Variants in NAALADL2 observed in about 807,000 individuals in gnomAD.
The protein encoded by NAALADL2 is N-acetylated alpha-linked acidic dipeptidase like 2, also known as inactive N-acetylated-alpha-linked acidic dipeptidase-like protein 2.
A neutral mutation model predicts 87.2 loss-of-function variants in NAALADL2; 76 were observed. The observed-to-expected ratio is 0.87, with a 90% CI of 0.72 to 1.05. The LOEUF is 1.05. Among genes scored for constraint, NAALADL2 ranks in the 50% least tolerant of loss-of-function variants. The pLI, the probability that NAALADL2 is intolerant of heterozygous loss-of-function variation, is 0.00. For missense variants in NAALADL2, 1,089 were observed against 945.8 expected (o/e 1.15, Z -1.99); for synonymous variants, 354 against 331.0 (o/e 1.07, Z -0.75).
intron 2 of NAALADL2, among the ~76,000 whole-genome samples, chr3:175,183,627 C>T (rs967906867): frequency 1.3e-5 from 2 of 151,844 alleles, no homozygotes; most frequent in African/African-American, 4.8e-5. Flanking sequence ...CATGGTGTAT[C>T]ACATTTATAG....
At chr3:175,671,842 A>G (rs553768177) in intron 11 of NAALADL2, among the ~76,000 whole-genome samples, 3 of 152,156 alleles carry the variant, frequency 2.0e-5, no homozygotes, top group Admixed American at 2.0e-4. Flanking sequence ...TTTTTCTTAC[A>G]TTTTCCAGAA....
chr3:175,314,373 G>A (rs962200489), intron 4 of NAALADL2, among the ~76,000 whole-genome samples: 5 of 150,636 alleles, frequency 3.3e-5, no homozygotes, highest in East Asian at 2.0e-4. Context: ...TTCAAACTTC[G>A]TTGGGCTAGT....
chr3:175,025,367 C>T (rs1262946510), intron 1 of NAALADL2, among the ~76,000 whole-genome samples: 1 of 152,076 alleles, frequency 6.6e-6, no homozygotes, highest in East Asian at 1.9e-4. Context: ...AGAGAATCAC[C>T]TTTAAAGTCA....
At chr3:175,772,429 T>C (rs1749620985) in intron 13 of NAALADL2, among the ~76,000 whole-genome samples, 1 of 152,136 alleles carries the variant, frequency 6.6e-6, no homozygotes, top group South Asian at 2.1e-4. Flanking sequence ...GAAAAGATGC[T>C]TCTATCTACA....
upstream of NAALADL2, among the ~76,000 whole-genome samples, chr3:174,858,152 G>T (rs1224866272): frequency 6.8e-6 from 1 of 147,524 alleles, no homozygotes; most frequent in Admixed American, 6.8e-5. Flanking sequence ...ATAATAATAT[G>T]TAATTATTAC....
At chr3:175,794,750 T>C (rs886539027) in intron 13 of NAALADL2, among the ~76,000 whole-genome samples, 1 of 152,222 alleles carries the variant, frequency 6.6e-6, no homozygotes, top group Non-Finnish European at 1.5e-5. Context: ...CTTTTATCTA[T>C]TTCTTGGGTT....
chr3:174,622,259 A>G (rs1251322593), intron 2 of NAALADL2, among the ~76,000 whole-genome samples: 1 of 152,156 alleles, frequency 6.6e-6, no homozygotes, highest in Non-Finnish European at 1.5e-5. Context: ...AGGATAGGCA[A>G]CTCATGGTCT....
Position 174,830,520 on chromosome 3 carries a change from G to A in NAALADL2, c.-9+92774G>A, listed in dbSNP as rs1722553447. ...ATGCTGTTTTGGTTACTGTAGCCTT[G>A]TAGTATAGTTTGAAGTCAGGTAGTG... is the stretch of plus-strand genomic sequence containing the variant. On this transcript the variant is annotated intron_variant, in intron 3 of 3. Coordinates refer to the NAALADL2 transcript ENST00000434257. Among the ~76,000 whole-genome samples, 4 of 151,430 alleles carry A rather than the reference G, an allele frequency of 2.6e-5. No homozygotes were observed. The South Asian group carries it at 8.3e-4, about 32-fold the overall frequency.
At chr3:174,454,626 C>T (rs1042142056) in intron 1 of NAALADL2, among the ~76,000 whole-genome samples, 3 of 152,148 alleles carry the variant, frequency 2.0e-5, no homozygotes, top group African/African-American at 7.2e-5. Context: ...GAATAACCTG[C>T]TCCTGATTGA....
intron 10 of NAALADL2, among the ~76,000 whole-genome samples, chr3:175,612,151 C>T (rs529860924): frequency 3.2e-4 from 48 of 152,142 alleles, no homozygotes; most frequent in African/African-American, 1.1e-3. Flanking sequence ...ATTTATCCAG[C>T]GACATCTGAC....
chr3:174,856,692 A>G (rs1361450075), upstream of NAALADL2, among the ~76,000 whole-genome samples: 3 of 152,176 alleles, frequency 2.0e-5, no homozygotes, highest in Non-Finnish European at 4.4e-5. Context: ...GATTTCTTTA[A>G]TTGAAAAGAT....
intron 5 of NAALADL2, among the ~76,000 whole-genome samples, chr3:175,371,491 T>C (rs1766495849): frequency 6.6e-6 from 1 of 152,008 alleles, no homozygotes; most frequent in South Asian, 2.1e-4. Flanking sequence ...ATATGGATAA[T>C]ATTATTTAGA....
intron 6 of NAALADL2, chr3:175,460,201 AAG>A: frequency 2.2e-6 from 1 of 456,030 alleles, no homozygotes; most frequent in Non-Finnish European, 4.4e-6. Flanking sequence ...AAGTTTATTC[AAG>A]ACTTTCTGAT....
intron 13 of NAALADL2, among the ~76,000 whole-genome samples, chr3:175,783,953 G>C (rs1360361359): frequency 1.4e-5 from 2 of 140,486 alleles, no homozygotes; most frequent in African/African-American, 5.9e-5. Flanking sequence ...TGCATCTATT[G>C]AGATAATCAT....
At chr3:175,569,922 G>GTA (rs1352856353) in intron 9 of NAALADL2, among the ~76,000 whole-genome samples, 2 of 151,596 alleles carry the variant, frequency 1.3e-5, no homozygotes, top group Non-Finnish European at 2.9e-5. Context: ...ATTTGTGTGT[G>GTA]TGTGTGTGTA....
intron 2 of NAALADL2, among the ~76,000 whole-genome samples, chr3:174,645,654 T>G (rs1410593399): frequency 6.6e-6 from 1 of 152,190 alleles, no homozygotes; most frequent in Admixed American, 6.5e-5. Context: ...CACATATATA[T>G]GAGAAGATCT....
At chr3:174,898,780 A>G (rs1381865424) in intron 1 of NAALADL2, among the ~76,000 whole-genome samples, 2 of 152,178 alleles carry the variant, frequency 1.3e-5, no homozygotes, top group East Asian at 3.9e-4. Flanking sequence ...ACTAAACTGT[A>G]TTTTTTGGAA....
intron 7 of NAALADL2, among the ~76,000 whole-genome samples, chr3:175,464,774 C>T (rs944556876): frequency 6.6e-6 from 1 of 152,130 alleles, no homozygotes; most frequent in Non-Finnish European, 1.5e-5. Flanking sequence ...TCTTTACAGT[C>T]ACAATGTTGA....
chr3:175,733,540 G>A (rs979661627), intron 11 of NAALADL2, among the ~76,000 whole-genome samples: 9 of 152,082 alleles, frequency 5.9e-5, no homozygotes, highest in Non-Finnish European at 8.8e-5. Flanking sequence ...TTTGGGTGGG[G>A]ACACAGAGCC....
Sources: gnomAD v4.1 joint callset for allele counts (sites outside exome capture counted in the v4.1 genomes callset) on GRCh38, gnomAD v4.1.1 for gene constraint, MANE v1.5 for transcripts, NCBI Gene and HGNC (gene_info 2026-07-23, HGNC 2026-07-21) for gene names.